CORIN: variants seen among roughly 807,000 people sequenced by gnomAD.
CORIN encodes the protein corin, serine peptidase, also known as atrial natriuretic peptide-converting enzyme.
Under a neutral mutation model 125.3 loss-of-function variants are expected in CORIN, and 117 were observed. That is an observed-to-expected ratio of 0.93 (90% confidence interval 0.80 to 1.09). The LOEUF is 1.09. Among genes scored for constraint, CORIN ranks in the 50% least tolerant of loss-of-function variants. The pLI, the probability that CORIN is intolerant of heterozygous loss-of-function variation, is 0.00. For synonymous variants in CORIN, 450 were observed against 466.4 expected (o/e 0.96, Z 0.45); for missense variants, 1,253 against 1,306.7 (o/e 0.96, Z 0.63).
chr4:47,755,689 G>C (rs1274113864), intron 4 of CORIN, among the ~76,000 whole-genome samples: 2 of 152,130 alleles, frequency 1.3e-5, no homozygotes, highest in African/African-American at 4.8e-5. Flanking sequence ...CAGATCATCA[G>C]TGTTGCCTGA....
chr4:47,674,208 T>A (rs920944469), intron 10 of CORIN, among the ~76,000 whole-genome samples, 185 bp downstream of exon 10: 4 of 152,212 alleles, frequency 2.6e-5, no homozygotes, highest in Non-Finnish European at 5.9e-5. Flanking sequence ...TTGTTTCTGA[T>A]TGAAGTTAAT....
chr4:47,669,541 T>G (rs1490815545), intron 10 of CORIN, among the ~76,000 whole-genome samples: 3 of 150,976 alleles, frequency 2.0e-5, no homozygotes, highest in African/African-American at 7.3e-5. Flanking sequence ...ACTGTCTCAC[T>G]TCCTTGCTCT....
At chr4:47,670,044 G>C (rs538751988) in intron 10 of CORIN, among the ~76,000 whole-genome samples, 3 of 152,144 alleles carry the variant, frequency 2.0e-5, no homozygotes, top group Non-Finnish European at 4.4e-5. Context: ...TTGACTTGTA[G>C]GGTATACCAG....
intron 19 of CORIN, among the ~76,000 whole-genome samples, chr4:47,604,971 TCTCAACCCAAGGAC>T (rs986247757): frequency 1.3e-5 from 2 of 152,186 alleles, no homozygotes; most frequent in Non-Finnish European, 2.9e-5. Flanking sequence ...ATATGTTCAT[TCTCAACCCAAGGAC>T]TTTCTTGCTA....
intron 20 of CORIN, among the ~76,000 whole-genome samples, chr4:47,602,013 GT>G (rs886466308): frequency 9.3e-4 from 135 of 145,940 alleles, no homozygotes; most frequent in Middle Eastern, 3.6e-3. Flanking sequence ...AGCACTTACA[GT>G]TTTTTTTTTT....
intron 4 of CORIN, among the ~76,000 whole-genome samples, chr4:47,758,466 C>A (rs2109862142): frequency 6.6e-6 from 1 of 152,080 alleles, no homozygotes. Flanking sequence ...TTCACAGAAA[C>A]AGAAAAAATA....
intron 1 of CORIN, among the ~76,000 whole-genome samples, chr4:47,822,202 T>G (rs1028661818): frequency 1.3e-5 from 2 of 152,208 alleles, no homozygotes; most frequent in East Asian, 1.9e-4. Context: ...AAAACACACA[T>G]GTTTACAGAA....
chr4:47,603,437 C>G lies in CORIN; in HGVS notation c.2772G>C (p.Thr924=), dbSNP rs143980903. 6.2e-6 allele frequency: 10 copies of G among 1,614,154 alleles called. No homozygotes were observed. In the African/African-American group the frequency reaches 1.2e-4, roughly 19 times the overall value. ...GGCCCCAGCCTGTGATATAGCAGTA[C>G]GTGTCAGGCTCTAGCCACTGCTCCG... ...PNPEQWLEPD[T]YCYITGWGHM... The change falls in exon 20 of 22, where the codon ACG becomes ACC. Residue 924 remains threonine (T), a synonymous_variant. Coordinates refer to ENST00000273857, the MANE Select transcript of CORIN (RefSeq NM_006587.4).
At chr4:47,706,697 C>T in intron 5 of CORIN, 2 of 1,607,904 alleles carry the variant, frequency 1.2e-6, no homozygotes, top group South Asian at 1.1e-5. Flanking sequence ...AGCTGGACGC[C>T]ACTGTGGGGC....
At chr4:47,692,818 G>C in intron 6 of CORIN, 152 bp downstream of exon 6, 1 of 641,356 alleles carries the variant, frequency 1.6e-6, no homozygotes, top group Non-Finnish European at 2.8e-6. Flanking sequence ...TTTGAAAGGT[G>C]TGCAAACATG....
At chr4:47,613,794 T>A (rs1463279756) in intron 19 of CORIN, among the ~76,000 whole-genome samples, 1 of 117,912 alleles carries the variant, frequency 8.5e-6, no homozygotes, top group East Asian at 2.8e-4. Flanking sequence ...AACATCACAC[T>A]CTGGGGACTG....
intron 1 of CORIN, among the ~76,000 whole-genome samples, chr4:47,836,379 C>G (rs1733411051): frequency 6.6e-6 from 1 of 152,132 alleles, no homozygotes; most frequent in Admixed American, 6.5e-5. Context: ...CAGGGTTATG[C>G]CAAAATTAAT....
intron 3 of CORIN, among the ~76,000 whole-genome samples, chr4:47,779,839 C>T (rs1035491573): frequency 3.9e-5 from 6 of 152,140 alleles, no homozygotes; most frequent in South Asian, 2.1e-4. Context: ...TGAATTGGTG[C>T]GTAAGCTTTC....
At chr4:47,700,912 C>T (rs1362881397) in intron 5 of CORIN, among the ~76,000 whole-genome samples, 2 of 152,220 alleles carry the variant, frequency 1.3e-5, no homozygotes, top group East Asian at 3.8e-4. Flanking sequence ...CTTTCCCTTT[C>T]CGGAGGCTGC....
At position 47,623,554 on chromosome 4, in the gene CORIN, G is replaced by A. The variant is rs1722423312; in HGVS notation, c.2540+17C>T. ...GATCAAATCCAGGCAAAGGAAAAAA[G>A]GAAAGGTGCAGCTTACCCCTCGAAG... On this transcript the variant is annotated intron_variant, in intron 19 of 21. Transcript: ENST00000273857. 3 of 1,609,386 alleles carry A rather than the reference G, an allele frequency of 1.9e-6. No homozygotes were observed. The South Asian group carries it at 3.3e-5, about 18-fold the overall frequency.
At chr4:47,712,976 G>A (rs1049341402) in intron 5 of CORIN, among the ~76,000 whole-genome samples, 1 of 152,110 alleles carries the variant, frequency 6.6e-6, no homozygotes, top group South Asian at 2.1e-4. Context: ...GAAGAAATAA[G>A]TTTTGCTTTT....
At chr4:47,649,010 G>T (rs1235298286) in intron 13 of CORIN, among the ~76,000 whole-genome samples, 2 of 152,196 alleles carry the variant, frequency 1.3e-5, no homozygotes, top group Non-Finnish European at 2.9e-5. Flanking sequence ...TATAGCAGCT[G>T]GAACAGAGGA....
intron 5 of CORIN, among the ~76,000 whole-genome samples, chr4:47,728,681 C>T (rs979221891): frequency 4.6e-5 from 7 of 152,114 alleles, no homozygotes; most frequent in African/African-American, 1.4e-4. Flanking sequence ...CTACTGTAAT[C>T]TGTAAGACCA....
chr4:47,623,509 G>C, intron 19 of CORIN, 62 bp downstream of exon 19: 1 of 1,557,570 alleles, frequency 6.4e-7, no homozygotes, highest in African/African-American at 1.4e-5. Context: ...ATGCCACTGA[G>C]AATTCCCGAG....
Sources: gnomAD v4.1 joint callset for allele counts (sites outside exome capture counted in the v4.1 genomes callset) on GRCh38, gnomAD v4.1.1 for gene constraint, MANE v1.5 for transcripts, NCBI Gene and HGNC (gene_info 2026-07-23, HGNC 2026-07-21) for gene names.